The following GRM3 variants were observed in gnomAD, a reference collection of about 807,000 sequenced individuals.
GRM3 encodes metabotropic glutamate receptor 3.
GRM3 carries 26 observed loss-of-function variants against 70.5 expected under a neutral mutation model. The ratio of observed to expected loss-of-function variants is 0.37; its 90% CI spans 0.27 to 0.51. The LOEUF is 0.51. GRM3 is among the 20% of genes least tolerant of loss of function. The probability of loss-of-function intolerance (pLI) is 0.93; values close to 1 mark genes in which losing one functional copy is unlikely to be tolerated. For synonymous variants in GRM3, 443 were observed against 434.9 expected, an observed-to-expected ratio of 1.02 and a Z score of -0.23; for missense variants, 859 against 1,123.8, an observed-to-expected ratio of 0.76 and a Z score of 3.37.
intron 1 of GRM3, among the ~76,000 whole-genome samples, chr7:86,762,860 G>A (rs2116405269): frequency 6.6e-6 from 1 of 152,242 alleles, no homozygotes; most frequent in East Asian, 1.9e-4. Flanking sequence ...CACCTACTGA[G>A]TGCACATAGT....
chr7:86,704,857 T>C (rs867389193), intron 1 of GRM3, among the ~76,000 whole-genome samples: 48 of 152,028 alleles, frequency 3.2e-4, no homozygotes, highest in Middle Eastern at 3.4e-3. Flanking sequence ...AGTTCCTTTT[T>C]CTTTATATTC....
chr7:86,715,320 G>GGACTTTAA (rs1221672080), intron 1 of GRM3, among the ~76,000 whole-genome samples: 1 of 151,952 alleles, frequency 6.6e-6, no homozygotes, highest in East Asian at 1.9e-4. Context: ...GTGCAAAGAT[G>GGACTTTAA]GACTTTAACA....
chr7:86,726,259 G>A (rs1281274250), intron 1 of GRM3, among the ~76,000 whole-genome samples: 1 of 152,158 alleles, frequency 6.6e-6, no homozygotes, highest in Non-Finnish European at 1.5e-5. Context: ...ACCCCAAAGT[G>A]TGGGCAGAGG....
chr7:86,815,269 T>G (rs1168734664), intron 3 of GRM3, among the ~76,000 whole-genome samples: 1 of 151,732 alleles, frequency 6.6e-6, no homozygotes, highest in Non-Finnish European at 1.5e-5. Flanking sequence ...AGAAACCTCA[T>G]GAGGACAAAA....
chr7:86,655,853 G>T (rs2695807), intron 1 of GRM3, among the ~76,000 whole-genome samples: 10,262 of 134,550 alleles, frequency 0.076, 661 homozygotes, highest in African/African-American at 0.21. Flanking sequence ...TGTGTGTGTG[G>T]GTGGGTGGGT....
rs115682498 is a variant in GRM3, at chr7:86,804,778, G to A, written c.1324+17662G>A. ...TTCTGTTTCTGGGGAAAAATAGAGC[G>A]GATTTCTATTAGTGATAATAGGATA... On this transcript the variant is annotated intron_variant, in intron 3 of 5. Coordinates refer to ENST00000361669, the MANE Select transcript of GRM3 (RefSeq NM_000840.3). 3.4e-3 allele frequency among the ~76,000 whole-genome samples: 517 copies of A among 152,208 alleles called. 4 individuals are homozygous for A. Among genetic ancestry groups the A allele is most frequent in the African/African-American group, 0.011 (471 of 41,516 alleles).
At chr7:86,721,399 C>T (rs568968365) in intron 1 of GRM3, among the ~76,000 whole-genome samples, 1 of 152,150 alleles carries the variant, frequency 6.6e-6, no homozygotes, top group South Asian at 2.1e-4. Context: ...TTACCCTTCC[C>T]TGACACAAAT....
At chr7:86,767,963 G>GT (rs1161056824) in intron 2 of GRM3, among the ~76,000 whole-genome samples, 2 of 151,970 alleles carry the variant, frequency 1.3e-5, no homozygotes, top group Non-Finnish European at 2.9e-5. Flanking sequence ...ATCTCATTAG[G>GT]TTTTTTTCAT....
chr7:86,658,315 C>T (rs908976323), intron 1 of GRM3, among the ~76,000 whole-genome samples: 1 of 152,102 alleles, frequency 6.6e-6, no homozygotes, highest in South Asian at 2.1e-4. Flanking sequence ...TTTACCTGGC[C>T]CACAGTGATC....
In GRM3 at chr7:86,680,438, C is replaced by G. The variant is rs184713653; in HGVS notation, c.-141+35566C>G. On this transcript the variant is annotated intron_variant, in intron 1 of 5. Transcript: ENST00000361669. ...TTTCTAGTATTTTGTCCTGCAGACACTGGGACAACTAACACTACTACCTCT... is the reference window on the plus strand; with the variant it reads ...TTTCTAGTATTTTGTCCTGCAGACAGTGGGACAACTAACACTACTACCTCT... Among the ~76,000 whole-genome samples the G allele has an allele frequency of 5.8e-4, 89 of 152,210 alleles. 2 individuals carry two copies. The highest frequency in any genetic ancestry group is 5.8e-3 in the Admixed American group (89 of 15,266).
intron 1 of GRM3, among the ~76,000 whole-genome samples, chr7:86,744,072 T>C (rs1796048685): frequency 6.6e-6 from 1 of 152,124 alleles, no homozygotes; most frequent in Admixed American, 6.6e-5. Context: ...AAATGGGCAA[T>C]GTTACCTCTC....
At chr7:86,689,218 G>T (rs1794640230) in intron 1 of GRM3, among the ~76,000 whole-genome samples, 1 of 151,654 alleles carries the variant, frequency 6.6e-6, no homozygotes, top group Non-Finnish European at 1.5e-5. Flanking sequence ...AGGTAAAAAT[G>T]TCATAACATA....
chr7:86,660,357 G>A (rs776956428), intron 1 of GRM3, among the ~76,000 whole-genome samples: 16 of 151,970 alleles, frequency 1.1e-4, no homozygotes, highest in East Asian at 3.8e-4. Context: ...ATTTTTGCTT[G>A]TTTGTAATGT....
intron 1 of GRM3, among the ~76,000 whole-genome samples, chr7:86,743,213 G>T (rs1293002123): frequency 6.6e-6 from 1 of 152,072 alleles, no homozygotes; most frequent in Non-Finnish European, 1.5e-5. Context: ...TCAATATCAG[G>T]TATGGAGAAT....
At chr7:86,775,645 T>A (rs1796866305) in intron 2 of GRM3, among the ~76,000 whole-genome samples, 1 of 152,254 alleles carries the variant, frequency 6.6e-6, no homozygotes, top group Non-Finnish European at 1.5e-5. Context: ...AAATTCTTAG[T>A]GGTCTCACCA....
rs369715120 is a variant in GRM3 at position 86,688,815 on chromosome 7, G to GAT, written c.-141+43960_-141+43961dup. ...TATGATATATATCTCTCACACATAT[G>GAT]ATATATATATATATATATGTGTTGA... On this transcript the variant is annotated intron_variant, in intron 1 of 5. Coordinates refer to ENST00000361669, the MANE Select transcript of GRM3 (RefSeq NM_000840.3). Among the ~76,000 whole-genome samples the GAT allele has an allele frequency of 7.9e-3, 1,118 of 141,468 alleles. 5 individuals are homozygous for GAT. Among genetic ancestry groups the GAT allele is most frequent in the East Asian group, 0.023 (112 of 4,914 alleles). 92.8% of individuals were successfully genotyped at this position (141,468 alleles called of 152,430 possible). A position where few individuals can be genotyped will look rare whatever the true frequency, so the allele number is the denominator to read the frequency against.
intron 3 of GRM3, among the ~76,000 whole-genome samples, chr7:86,818,604 A>T (rs1037114065): frequency 6.0e-4 from 91 of 152,120 alleles, no homozygotes; most frequent in African/African-American, 2.0e-3. Flanking sequence ...AAGTAGATGC[A>T]TATGCAGCAA....
intron 1 of GRM3, among the ~76,000 whole-genome samples, chr7:86,754,651 G>A (rs75072249): frequency 0.021 from 3,261 of 152,202 alleles, 103 homozygotes; most frequent in African/African-American, 0.072. Context: ...CACATAGTAG[G>A]TGCCCAATAA....
chr7:86,680,485 C>T (rs560044551), intron 1 of GRM3, among the ~76,000 whole-genome samples: 1 of 152,254 alleles, frequency 6.6e-6, no homozygotes, highest in Non-Finnish European at 1.5e-5. Flanking sequence ...TTTCACCTTA[C>T]CTCCACAGTT....
Sources: allele counts gnomAD v4.1 joint callset (sites outside exome capture counted in the v4.1 genomes callset), GRCh38; gene constraint gnomAD v4.1.1; transcripts MANE v1.5; gene names NCBI Gene and HGNC (gene_info 2026-07-23, HGNC 2026-07-21).